Variants in THRA observed in about 807,000 individuals in gnomAD.
The protein encoded by THRA is EAR-7.
Under a neutral mutation model 45.0 loss-of-function variants are expected in THRA, and 13 were observed. That is an observed-to-expected ratio of 0.29 (90% CI 0.19 to 0.46). THRA has a LOEUF of 0.46. THRA is among the 20% of genes least tolerant of loss of function. The pLI is 1.00. For missense variants in THRA, 278 were observed against 556.1 expected (o/e 0.50, Z 5.03); for synonymous variants, 195 against 214.0 (o/e 0.91, Z 0.78).
intron 4 of THRA, among the ~76,000 whole-genome samples, chr17:40,081,181 G>A (rs796948463): frequency 3.3e-5 from 5 of 152,296 alleles, no homozygotes; most frequent in African/African-American, 1.2e-4. Context: ...AGTGGAGGCA[G>A]TAACAGTTCC....
At chr17:40,073,537 A>G (rs938502939) in intron 1 of THRA, among the ~76,000 whole-genome samples, 1 of 152,098 alleles carries the variant, frequency 6.6e-6, no homozygotes, top group African/African-American at 2.4e-5. Flanking sequence ...CCTGGTCGAT[A>G]GCAGCTCAGC....
intron 3 of THRA, 39 bp downstream of exon 3, chr17:40,076,977 A>G (rs113018832): frequency 9.4e-6 from 15 of 1,598,222 alleles, no homozygotes; most frequent in African/African-American, 6.7e-5. Flanking sequence ...CACGTCCCCA[A>G]CCCCACCAAA....
chr17:40,072,826 C>T (rs1048863516), intron 1 of THRA, among the ~76,000 whole-genome samples: 21 of 152,134 alleles, frequency 1.4e-4, no homozygotes, highest in African/African-American at 5.1e-4. Context: ...AGGAATTTCT[C>T]CACAAGCCAA....
chr17:40,082,954 G>C (rs1987196900), intron 4 of THRA, among the ~76,000 whole-genome samples: 1 of 148,144 alleles, frequency 6.8e-6, no homozygotes, highest in Non-Finnish European at 1.5e-5. Flanking sequence ...TTTATACGGA[G>C]TCTTGCTCTG....
chr17:40,072,890 T>G (rs1046426819), intron 1 of THRA, among the ~76,000 whole-genome samples: 22 of 152,262 alleles, frequency 1.4e-4, no homozygotes, highest in African/African-American at 5.3e-4. Context: ...TCCCTGCTCA[T>G]GCCCCCCCAC....
chr17:40,075,475 C>G (rs950975616), intron 2 of THRA, among the ~76,000 whole-genome samples: 1 of 152,218 alleles, frequency 6.6e-6, no homozygotes, highest in African/African-American at 2.4e-5. Flanking sequence ...TGGGGTAGCT[C>G]CCCTCCCCCA....
chr17:40,084,832 C>T lies in THRA; in HGVS notation c.576+17C>T. 1 of 1,611,814 alleles carries T rather than the reference C, an allele frequency of 6.2e-7. No homozygotes were observed. The highest frequency in any genetic ancestry group is 8.5e-7 in the Non-Finnish European group (1 of 1,179,588). ...AAATTCCTGGTAAGGAGAAAGGGGG[C>T]ATGGGGAGAGCAGTAGCCAGGTGGC... On this transcript the variant is annotated intron_variant, in intron 6 of 8. Transcript: ENST00000450525.
At chr17:40,087,215 A>G (rs1030515994) in intron 7 of THRA, among the ~76,000 whole-genome samples, 1 of 151,246 alleles carries the variant, frequency 6.6e-6, no homozygotes, top group Admixed American at 6.6e-5. Flanking sequence ...AGACACACAC[A>G]CACACACAGA....
At position 40,092,840 on chromosome 17, in the gene THRA, G is replaced by GGTTGTGGGGGAGACACAA; in HGVS notation, c.*3385_*3386insTTGTGGGGGAGACACAAG. ...GAGACAGGAACAGAACAAATCAGAG[G>GGTTGTGGGGGAGACACAA]GCCAGGGGAGGGTTGTGGGGGAGAC... On this transcript the variant is annotated 3_prime_UTR_variant, in exon 9 of 9. Transcript: ENST00000450525. 1.1e-6 allele frequency: 1 copy of GGTTGTGGGGGAGACACAA among 870,952 alleles called. No individual in the cohort carries two copies. The highest frequency in any genetic ancestry group is 1.9e-5 in the South Asian group (1 of 53,888). The allele number at this position is 870,952 out of a possible 1,614,324, so 54.0% of individuals were successfully genotyped here.
intron 2 of THRA, among the ~76,000 whole-genome samples, chr17:40,075,573 C>T (rs1023641046): frequency 2.6e-5 from 4 of 152,228 alleles, no homozygotes; most frequent in Non-Finnish European, 5.9e-5. Context: ...CCAGCTTAGG[C>T]TTCTGTGGGT....
downstream of THRA, chr17:40,093,695 T>C: frequency 1.6e-6 from 1 of 634,494 alleles, no homozygotes; most frequent in Non-Finnish European, 2.7e-6. This position sits in a 1 kb window ranked among gnomAD's most constrained non-coding sequence, Gnocchi z 5.9. Flanking sequence ...AATAGTTGTC[T>C]GTGCTTCCTT....
intron 1 of THRA, among the ~76,000 whole-genome samples, chr17:40,065,847 C>T (rs1033400614): frequency 2.3e-4 from 35 of 152,294 alleles, no homozygotes; most frequent in Admixed American, 2.2e-3. Context: ...CTGTGGGCAC[C>T]CTCAGGGTGC....
chr17:40,092,937 CAG>C lies in THRA; in HGVS notation c.*3482_*3483del, dbSNP rs1302294715. 6.9e-5 allele frequency: 105 copies of C among 1,528,096 alleles called. No homozygotes were observed. Among genetic ancestry groups the C allele is most frequent in the Non-Finnish European group, 8.1e-5 (92 of 1,136,906 alleles). 94.7% of individuals were successfully genotyped at this position (1,528,096 alleles called of 1,614,324 possible). ...GGAGGCAGGTATTTACAAGAAGGCT[CAG>C]GGGGCCAGAGGCTCATCTTGGAATA... On this transcript the variant is annotated 3_prime_UTR_variant, in exon 9 of 9. Coordinates refer to ENST00000450525, the MANE Select transcript of THRA (RefSeq NM_199334.5).
chr17:40,063,959 T>G (rs1269938997), intron 1 of THRA, among the ~76,000 whole-genome samples: 1 of 141,854 alleles, frequency 7.0e-6, no homozygotes. Context: ...GGTGGGAGCC[T>G]GCCCCTCAGT....
At position 40,086,611 on chromosome 17, in the gene THRA, C is replaced by G. The variant is rs544133958; in HGVS notation, c.577-96C>G. 2.0e-6 allele frequency: 3 copies of G among 1,505,508 alleles called. No homozygotes were observed. The African/African-American group carries it at 4.2e-5, about 21-fold the overall frequency. The allele number at this position is 1,505,508 out of a possible 1,614,324, so 93.3% of individuals were successfully genotyped here. ...CTCAGGCACGGGCGGCCCCTCTTCC[C>G]CAAGCTGCCTTGGAGCTCCCCCTGG... On this transcript the variant is annotated intron_variant, in intron 6 of 8. Transcript: ENST00000450525.
At position 40,076,803 on chromosome 17, in the gene THRA, G is replaced by T. The variant is rs1986970917; in HGVS notation, c.54-68G>T. The T allele has an allele frequency of 3.3e-6, 5 of 1,529,670 alleles. No individual in the cohort carries two copies. In the South Asian group the frequency reaches 5.7e-5, roughly 17 times the overall value. 94.8% of individuals were successfully genotyped at this position (1,529,670 alleles called of 1,614,324 possible). On this transcript the variant is annotated intron_variant, in intron 2 of 8. Coordinates refer to ENST00000450525, the MANE Select transcript of THRA (RefSeq NM_199334.5). The stretch of plus-strand genomic sequence containing the variant: ...AATCAGGCCTTGGGGGATTGCATAA[G>T]CCTCTCGGATGAGAAAGGGGCTACT...
chr17:40,093,478 T>TG, downstream of THRA: 1 of 1,481,104 alleles, frequency 6.8e-7, no homozygotes, highest in Non-Finnish European at 9.0e-7. The surrounding 1 kb of genome is among the most constrained non-coding windows in gnomAD (Gnocchi z 5.9). Flanking sequence ...GCTGGGAGCG[T>TG]GGGCTCAGCA....
intron 1 of THRA, among the ~76,000 whole-genome samples, chr17:40,067,727 C>G (rs999932811): frequency 6.6e-6 from 1 of 152,162 alleles, no homozygotes; most frequent in Non-Finnish European, 1.5e-5. Context: ...AATCTCAACT[C>G]TAGTTCTCGG....
chr17:40,087,215 A>C (rs1030515994), intron 7 of THRA, among the ~76,000 whole-genome samples: 4 of 151,246 alleles, frequency 2.6e-5, no homozygotes, highest in African/African-American at 9.7e-5. Context: ...AGACACACAC[A>C]CACACACAGA....
Sources: gnomAD v4.1 joint callset for allele counts (sites outside exome capture counted in the v4.1 genomes callset) on GRCh38, gnomAD v4.1.1 for gene constraint, Gnocchi (gnomAD v3.1) non-coding constraint, MANE v1.5 for transcripts, NCBI Gene and HGNC (gene_info 2026-07-23, HGNC 2026-07-21) for gene names.